Variants in ST3GAL4 observed in about 807,000 individuals in gnomAD.
ST3GAL4 encodes the protein ST3 beta-galactoside alpha-2,3-sialyltransferase 4.
A neutral mutation model predicts 42.6 loss-of-function variants in ST3GAL4; 24 were observed. The observed-to-expected ratio is 0.56, with a 90% confidence interval of 0.41 to 0.79. ST3GAL4 has a LOEUF of 0.79. Among genes scored for constraint, ST3GAL4 ranks in the 30% least tolerant of loss-of-function variants. The pLI is 0.00. For synonymous variants in ST3GAL4, 135 were observed against 163.2 expected, an observed-to-expected ratio of 0.83 and a Z score of 1.32; for missense variants, 311 against 430.8, an observed-to-expected ratio of 0.72 and a Z score of 2.46.
chr11:126,365,956 G>A (rs1952409481), intron 1 of ST3GAL4, among the ~76,000 whole-genome samples: 1 of 152,208 alleles, frequency 6.6e-6, no homozygotes. Flanking sequence ...GCCTGCTGGG[G>A]ACACACCTGT....
At chr11:126,367,569 T>A (rs1422192814) in intron 1 of ST3GAL4, among the ~76,000 whole-genome samples, 1 of 152,198 alleles carries the variant, frequency 6.6e-6, no homozygotes, top group Non-Finnish European at 1.5e-5. Context: ...TAGCCCCTGC[T>A]GAGGCTGCGG....
At chr11:126,412,594 C>A (rs1473013849) in intron 9 of ST3GAL4, among the ~76,000 whole-genome samples, 1 of 152,164 alleles carries the variant, frequency 6.6e-6, no homozygotes, top group Non-Finnish European at 1.5e-5. Flanking sequence ...GTAATCCCAG[C>A]GCTTTGGGAG....
intron 1 of ST3GAL4, among the ~76,000 whole-genome samples, chr11:126,389,084 G>T (rs962467972): frequency 6.6e-6 from 1 of 152,204 alleles, no homozygotes; most frequent in Non-Finnish European, 1.5e-5. Flanking sequence ...CGGCTCAGTT[G>T]TCTTTTAAGT....
At chr11:126,369,393 G>GACA in intron 1 of ST3GAL4, among the ~76,000 whole-genome samples, 1 of 152,126 alleles carries the variant, frequency 6.6e-6, no homozygotes, top group South Asian at 2.1e-4. Flanking sequence ...GATTACACGT[G>GACA]TGTGCCACCA....
intron 1 of ST3GAL4, among the ~76,000 whole-genome samples, chr11:126,367,778 T>C (rs1470810768): frequency 6.6e-6 from 1 of 152,226 alleles, no homozygotes; most frequent in East Asian, 1.9e-4. Flanking sequence ...GTATTTGCTC[T>C]GTGCCTCAGT....
chr11:126,356,741 C>T (rs1162484376), intron 1 of ST3GAL4, among the ~76,000 whole-genome samples: 1 of 152,254 alleles, frequency 6.6e-6, no homozygotes, highest in African/African-American at 2.4e-5. Flanking sequence ...CCACAGGCCT[C>T]TTGGGGAAGC....
rs1953794578 is a variant in ST3GAL4 at position 126,396,860 on chromosome 11, A to T, written c.-60-9236A>T. Among the ~76,000 whole-genome samples the T allele has an allele frequency of 6.6e-6, 1 of 152,020 alleles. No homozygotes were observed. The highest frequency in any genetic ancestry group is 2.4e-5 in the African/African-American group (1 of 41,322). On this transcript the variant is annotated intron_variant, in intron 1 of 10. Coordinates refer to ENST00000444328, the MANE Select transcript of ST3GAL4 (RefSeq NM_001254757.2). This position sits in a 1 kb window ranked among gnomAD's most constrained non-coding sequence, Gnocchi z 5.8. The stretch of plus-strand genomic sequence containing the variant: ...TACAATGGAGGTAATTATCGTGTTG[A>T]ACTCACAGGGTCGAGATCATATTTA...
At chr11:126,360,061 G>A (rs1428008482) in intron 1 of ST3GAL4, among the ~76,000 whole-genome samples, 1 of 152,252 alleles carries the variant, frequency 6.6e-6, no homozygotes, top group African/African-American at 2.4e-5. Context: ...GGCCAGAGAG[G>A]CTCCCAAAGA....
chr11:126,403,227 A>G, intron 1 of ST3GAL4: 1 of 293,342 alleles, frequency 3.4e-6, no homozygotes, highest in Non-Finnish European at 5.1e-6. Flanking sequence ...CAGTTTGCTT[A>G]GCGCAACACT....
chr11:126,410,420 T>G lies in ST3GAL4; in HGVS notation c.771+1009T>G, dbSNP rs1411682484. Reference sequence around the variant, plus strand: ...CACTAGCAGACACAGGTATGGCGCTTGGCTGTGCTGTGTACTGTGTGGGGC... The same window carrying G: ...CACTAGCAGACACAGGTATGGCGCTGGGCTGTGCTGTGTACTGTGTGGGGC... On this transcript the variant is annotated intron_variant, in intron 9 of 10. Transcript: ENST00000444328. This position sits in a 1 kb window ranked among gnomAD's most constrained non-coding sequence, Gnocchi z 5.3. Among the ~76,000 whole-genome samples, 2 of 152,202 alleles carry G rather than the reference T, an allele frequency of 1.3e-5. No individual in the cohort carries two copies. The highest frequency in any genetic ancestry group is 4.8e-5 in the African/African-American group (2 of 41,438).
rs199935524 is a variant in ST3GAL4, at chr11:126,406,449, C to T, written c.17-24C>T. 2 of 1,614,116 alleles carry T rather than the reference C, an allele frequency of 1.2e-6. No homozygotes were observed. The highest frequency in any genetic ancestry group is 1.7e-5 in the Admixed American group (1 of 60,018). On this transcript the variant is annotated intron_variant, in intron 2 of 10. Transcript: ENST00000444328. This position sits in a 1 kb window ranked among gnomAD's most constrained non-coding sequence, Gnocchi z 5.4. The stretch of plus-strand genomic sequence containing the variant: ...TGTACCTGCCTGTTGCTGCCTCTAG[C>T]TCCTCTCTGCATGTGTCCTGCAGGC...
chr11:126,372,904 T>C (rs747318473), intron 1 of ST3GAL4, among the ~76,000 whole-genome samples: 49 of 152,354 alleles, frequency 3.2e-4, no homozygotes, highest in Non-Finnish European at 6.2e-4. Flanking sequence ...TGTACAAATA[T>C]CGCTTTGATA....
chr11:126,385,750 G>A (rs1298769883), intron 1 of ST3GAL4, among the ~76,000 whole-genome samples: 3 of 151,966 alleles, frequency 2.0e-5, no homozygotes, highest in East Asian at 3.9e-4. Context: ...GGTGGCTCAC[G>A]CCTGTAATTT....
In ST3GAL4 at chr11:126,398,639, G is replaced by C. The variant is rs1377929049; in HGVS notation, c.-60-7457G>C. Among the ~76,000 whole-genome samples the C allele has an allele frequency of 6.6e-6, 1 of 152,228 alleles. No individual in the cohort carries two copies. Among genetic ancestry groups the C allele is most frequent in the African/African-American group, 2.4e-5 (1 of 41,458 alleles). On this transcript the variant is annotated intron_variant, in intron 1 of 10. Transcript: ENST00000444328. This position sits in a 1 kb window ranked among gnomAD's most constrained non-coding sequence, Gnocchi z 4.7. Reference sequence around the variant, plus strand: ...TTCTGCTGGGCATTGCCCTACAGGGGCTCCCTGGTGGTGGCTCTGACCCTG... The same window carrying C: ...TTCTGCTGGGCATTGCCCTACAGGGCCTCCCTGGTGGTGGCTCTGACCCTG...
intron 1 of ST3GAL4, among the ~76,000 whole-genome samples, chr11:126,367,792 C>T (rs1952490086): frequency 1.3e-5 from 2 of 152,136 alleles, no homozygotes; most frequent in Non-Finnish European, 2.9e-5. Flanking sequence ...CCTCAGTTTC[C>T]CCATCTGTAA....
Position 126,413,606 on chromosome 11 carries a change from G to A in ST3GAL4, c.873G>A (p.Gln291=). 2 of 1,614,270 alleles carry A rather than the reference G, an allele frequency of 1.2e-6. No homozygotes were observed. Among genetic ancestry groups the A allele is most frequent in the Non-Finnish European group, 1.7e-6 (2 of 1,180,058 alleles). ...FGYPDAYNKK[Q]TIHYYEQITL... ...ACCCAGACGCCTACAACAAGAAGCA[G>A]ACCATTCACTACTATGAGCAGATCA... The change falls in exon 10 of 11, where the codon CAG becomes CAA. Residue 291 remains glutamine (Q), a synonymous_variant. Transcript: ENST00000444328.
In ST3GAL4 at chr11:126,363,157, A is replaced by G. The variant is rs1002893170; in HGVS notation, c.-61+7315A>G. Among the ~76,000 whole-genome samples the G allele has an allele frequency of 6.6e-6, 1 of 152,162 alleles. No individual in the cohort carries two copies. Among genetic ancestry groups the G allele is most frequent in the Non-Finnish European group, 1.5e-5 (1 of 68,018 alleles). On this transcript the variant is annotated intron_variant, in intron 1 of 10. Coordinates refer to ENST00000444328, the MANE Select transcript of ST3GAL4 (RefSeq NM_001254757.2). The surrounding 1 kb of genome is among the most constrained non-coding windows in gnomAD (Gnocchi z 4.6). ...ATGGAGTATGGGAGATTGTCCTCACAGGCAGTGTGGGCCGTTTCTCTAGAC... is the reference window on the plus strand; with the variant it reads ...ATGGAGTATGGGAGATTGTCCTCACGGGCAGTGTGGGCCGTTTCTCTAGAC...
In ST3GAL4 at chr11:126,406,519, G is replaced by A. The variant is rs763126899; in HGVS notation, c.63G>A (p.Val21=). Reference sequence around the variant, plus strand: ...TGGCTCTGGTCCTGGTCGTCATGGTGTGGTATTCCATCTCCCGGGAAGACA... The same window carrying A: ...TGGCTCTGGTCCTGGTCGTCATGGTATGGTATTCCATCTCCCGGGAAGACA... ...AMLALVLVVM[V]WYSISREDRY... The change falls in exon 3 of 11, where the codon GTG becomes GTA. Residue 21 remains valine (V), a synonymous_variant. Transcript: ENST00000444328. This position sits in a 1 kb window ranked among gnomAD's most constrained non-coding sequence, Gnocchi z 5.4. 5 of 1,614,214 alleles carry A rather than the reference G, an allele frequency of 3.1e-6. No individual in the cohort carries two copies. The highest frequency in any genetic ancestry group is 2.2e-5 in the South Asian group (2 of 91,082).
At chr11:126,408,263 C>T in intron 7 of ST3GAL4, 44 bp from the exon 8 acceptor site, 2 of 1,612,540 alleles carry the variant, frequency 1.2e-6, no homozygotes, top group Non-Finnish European at 1.7e-6. Flanking sequence ...TGTAGACAGG[C>T]CCAGGAGGCC....
Sources: gnomAD v4.1 joint callset for allele counts (sites outside exome capture counted in the v4.1 genomes callset) on GRCh38, gnomAD v4.1.1 for gene constraint, Gnocchi (gnomAD v3.1) non-coding constraint, MANE v1.5 for transcripts, NCBI Gene and HGNC (gene_info 2026-07-23, HGNC 2026-07-21) for gene names.